Variants in LRFN5 observed in about 807,000 individuals in gnomAD.
LRFN5 encodes the protein leucine rich repeat and fibronectin type III domain containing 5, also known as leucine-rich repeat and fibronectin type-III domain-containing protein 5.
LRFN5 carries 24 observed loss-of-function variants against 45.6 expected under a neutral mutation model. The observed-to-expected ratio is 0.53, with a 90% CI of 0.38 to 0.74. The LOEUF (loss-of-function observed/expected upper bound fraction) is 0.74, where lower values mean the gene tolerates loss of function less well. LRFN5 is among the 30% of genes least tolerant of loss of function. LRFN5 has a pLI of 0.00. For missense variants in LRFN5, 776 were observed against 861.5 expected, an observed-to-expected ratio of 0.90 and a Z score of 1.24; for synonymous variants, 340 against 313.8, an observed-to-expected ratio of 1.08 and a Z score of -0.88.
At chr14:41,855,880 T>C (rs754607436) in intron 2 of LRFN5, among the ~76,000 whole-genome samples, 5 of 152,206 alleles carry the variant, frequency 3.3e-5, no homozygotes, top group African/African-American at 9.7e-5. Context: ...CATGGTGATA[T>C]ATGTCTACGT....
At chr14:41,743,635 G>A (rs1021042716) in intron 1 of LRFN5, among the ~76,000 whole-genome samples, 3 of 152,120 alleles carry the variant, frequency 2.0e-5, no homozygotes, top group Non-Finnish European at 2.9e-5. Context: ...ACTACAGTTA[G>A]TAGGAATATA....
At chr14:41,830,786 G>T (rs1888451027) in intron 2 of LRFN5, among the ~76,000 whole-genome samples, 1 of 152,080 alleles carries the variant, frequency 6.6e-6, no homozygotes, top group Admixed American at 6.6e-5. Context: ...TCTCCTGGTG[G>T]GCCTGTTGGT....
chr14:41,824,833 G>A (rs1888238636), intron 2 of LRFN5, among the ~76,000 whole-genome samples: 1 of 152,088 alleles, frequency 6.6e-6, no homozygotes, highest in South Asian at 2.1e-4. Flanking sequence ...AGTGGGAGAT[G>A]GAACCTGTGG....
intron 1 of LRFN5, among the ~76,000 whole-genome samples, chr14:41,684,384 C>G (rs201345240): frequency 1.3e-5 from 2 of 152,186 alleles, no homozygotes; most frequent in East Asian, 3.9e-4. Flanking sequence ...AGGAAACTTA[C>G]GATTATGGTG....
intron 2 of LRFN5, among the ~76,000 whole-genome samples, chr14:41,866,342 T>C (rs2083759521): frequency 6.6e-6 from 1 of 152,108 alleles, no homozygotes; most frequent in South Asian, 2.1e-4. Context: ...TAAAGAATTT[T>C]CTCATCTTCT....
intron 1 of LRFN5, among the ~76,000 whole-genome samples, chr14:41,693,258 G>C (rs1882460023): frequency 6.6e-6 from 1 of 152,026 alleles, no homozygotes; most frequent in Non-Finnish European, 1.5e-5. Flanking sequence ...AAAAATCAGT[G>C]TGGCAGTTTC....
At chr14:41,794,489 A>G (rs770041521) in intron 2 of LRFN5, among the ~76,000 whole-genome samples, 3 of 152,008 alleles carry the variant, frequency 2.0e-5, no homozygotes, top group Non-Finnish European at 4.4e-5. Flanking sequence ...TTATCTTGGC[A>G]ATTACTAAAC....
chr14:41,856,672 A>ATTATTATTTTTTTTTTTTTTTTTT (rs1555326971), intron 2 of LRFN5, among the ~76,000 whole-genome samples: 9 of 5,982 alleles, frequency 1.5e-3, no homozygotes, highest in African/African-American at 2.5e-3. Flanking sequence ...TATTATTATT[A>ATTATTATTTTTTTTTTTTTTTTTT]TTATTTTTTT....
At chr14:41,686,338 GT>G (rs1177174673) in intron 1 of LRFN5, among the ~76,000 whole-genome samples, 1 of 152,008 alleles carries the variant, frequency 6.6e-6, no homozygotes, top group East Asian at 1.9e-4. Flanking sequence ...CTTTGCTGAA[GT>G]TGCTTATCAG....
chr14:41,881,421 A>G (rs987841245), intron 2 of LRFN5, among the ~76,000 whole-genome samples: 20 of 151,974 alleles, frequency 1.3e-4, no homozygotes, highest in African/African-American at 4.8e-4. Context: ...GTTATTCTCC[A>G]TATATGCAAT....
chr14:41,843,354 G>T (rs976900131), intron 2 of LRFN5, among the ~76,000 whole-genome samples: 1 of 152,042 alleles, frequency 6.6e-6, no homozygotes, highest in African/African-American at 2.4e-5. Flanking sequence ...TTAGGCTCTC[G>T]AAGTGCTGGG....
At chr14:41,871,711 G>A (rs1890025935) in intron 2 of LRFN5, among the ~76,000 whole-genome samples, 1 of 152,048 alleles carries the variant, frequency 6.6e-6, no homozygotes, top group African/African-American at 2.4e-5. Context: ...TCTACTCACA[G>A]TATCCTGTTT....
At chr14:41,752,787 A>G (rs1885195203) in intron 1 of LRFN5, among the ~76,000 whole-genome samples, 1 of 152,058 alleles carries the variant, frequency 6.6e-6, no homozygotes, top group Admixed American at 6.6e-5. Flanking sequence ...CCATTTGTCA[A>G]TTTGGGCTTT....
chr14:41,741,733 A>G (rs1373518380), intron 1 of LRFN5, among the ~76,000 whole-genome samples: 3 of 151,690 alleles, frequency 2.0e-5, no homozygotes, highest in Non-Finnish European at 4.4e-5. Flanking sequence ...TGCAGCAAAG[A>G]CAACAATTTA....
intron 1 of LRFN5, among the ~76,000 whole-genome samples, chr14:41,688,752 G>C (rs1882232517): frequency 6.6e-6 from 1 of 151,962 alleles, no homozygotes; most frequent in Non-Finnish European, 1.5e-5. Context: ...ACAATGCTCA[G>C]AGGTCAATGT....
At chr14:41,753,879 T>A (rs528364708) in intron 1 of LRFN5, among the ~76,000 whole-genome samples, 24 of 152,248 alleles carry the variant, frequency 1.6e-4, no homozygotes, top group South Asian at 1.5e-3. Flanking sequence ...TTTTTGCCCA[T>A]TCAGTATATT....
chr14:41,634,952 C>A (rs1879222866), intron 1 of LRFN5, among the ~76,000 whole-genome samples: 1 of 151,846 alleles, frequency 6.6e-6, no homozygotes, highest in Non-Finnish European at 1.5e-5. Flanking sequence ...TGTAATGAAA[C>A]ATAATTACAT....
intron 1 of LRFN5, among the ~76,000 whole-genome samples, chr14:41,630,595 AC>A (rs1888499204): frequency 6.6e-6 from 1 of 152,126 alleles, no homozygotes; most frequent in South Asian, 2.1e-4. Flanking sequence ...CAGTAATGAA[AC>A]ATTGAGTAGA....
chr14:41,900,891 G>C (rs555549908), intron 5 of LRFN5, among the ~76,000 whole-genome samples: 1 of 152,094 alleles, frequency 6.6e-6, no homozygotes, highest in Non-Finnish European at 1.5e-5. Flanking sequence ...AATGAACAGA[G>C]GTGGAGAGCG....
Sources: gnomAD v4.1 joint callset for allele counts (sites outside exome capture counted in the v4.1 genomes callset) on GRCh38, gnomAD v4.1.1 for gene constraint, MANE v1.5 for transcripts, NCBI Gene and HGNC (gene_info 2026-07-23, HGNC 2026-07-21) for gene names.